Variants in SLC17A1 observed in about 807,000 individuals in gnomAD.
SLC17A1 encodes solute carrier family 17 member 1.
Under a neutral mutation model 53.5 loss-of-function variants are expected in SLC17A1, and 51 were observed. The ratio of observed to expected loss-of-function variants is 0.95; its 90% CI spans 0.76 to 1.20. The LOEUF is 1.20. SLC17A1 is among the 50% of genes most tolerant of loss of function. SLC17A1 has a pLI of 0.00. For synonymous variants in SLC17A1, 179 were observed against 198.8 expected (o/e 0.90, Z 0.84); for missense variants, 538 against 568.2 (o/e 0.95, Z 0.54).
chr6:25,726,849 G>A, the SLC17A1 span: 3 of 1,542,576 alleles, frequency 1.9e-6, no homozygotes, highest in East Asian at 2.2e-5. Flanking sequence ...GTTGAGCACT[G>A]GAAAGTGCTG....
intron 12 of SLC17A1, among the ~76,000 whole-genome samples, chr6:25,787,125 T>C (rs758339145): frequency 2.6e-4 from 39 of 152,172 alleles, no homozygotes; most frequent in Non-Finnish European, 5.1e-4. Flanking sequence ...AAATTCTTTC[T>C]TCACTGAGCA....
the SLC17A1 span, among the ~76,000 whole-genome samples, chr6:25,748,897 C>G: frequency 8.8e-3 from 1,348 of 152,354 alleles, 15 homozygotes; most frequent in African/African-American, 0.029. Context: ...GTCTCGCCTC[C>G]CGCCACGGGG....
Position 25,825,715 on chromosome 6 carries a change from A to T in SLC17A1, c.207+746T>A, listed in dbSNP as rs559688229. Among the ~76,000 whole-genome samples, 104 of 152,086 alleles carry T rather than the reference A, an allele frequency of 6.8e-4. 1 individual carries two copies. The highest frequency in any genetic ancestry group is 2.4e-3 in the African/African-American group (98 of 41,526). On this transcript the variant is annotated intron_variant, in intron 3 of 12. Coordinates refer to ENST00000244527, the MANE Select transcript of SLC17A1 (RefSeq NM_005074.5). ...TTGTCATTAATTATGGAAAGTTCTCAGCCAATTTTTGAAAAAAATATTTCT... is the reference window on the plus strand; with the variant it reads ...TTGTCATTAATTATGGAAAGTTCTCTGCCAATTTTTGAAAAAAATATTTCT...
the SLC17A1 span, among the ~76,000 whole-genome samples, chr6:25,773,985 T>C: frequency 2.6e-5 from 4 of 152,134 alleles, no homozygotes; most frequent in African/African-American, 7.2e-5. Context: ...AATTTTATAC[T>C]CAATCCCATC....
chr6:25,756,311 G>C, the SLC17A1 span, among the ~76,000 whole-genome samples: 1 of 152,246 alleles, frequency 6.6e-6, no homozygotes, highest in East Asian at 1.9e-4. Flanking sequence ...GCCTGGAATT[G>C]TTCTTGCTCA....
intron 10 of SLC17A1, among the ~76,000 whole-genome samples, chr6:25,801,184 T>C (rs1045444022): frequency 2.0e-5 from 3 of 152,082 alleles, no homozygotes; most frequent in Admixed American, 6.5e-5. Context: ...GCGTTAGCAG[T>C]AAAGAATATG....
chr6:25,728,351 C>G, the SLC17A1 span, among the ~76,000 whole-genome samples: 1 of 152,130 alleles, frequency 6.6e-6, no homozygotes, highest in African/African-American at 2.4e-5. Flanking sequence ...TGGACTCCAT[C>G]TGTAAGAGCT....
the SLC17A1 span, among the ~76,000 whole-genome samples, chr6:25,774,082 G>A: frequency 6.6e-6 from 1 of 152,040 alleles, no homozygotes; most frequent in Admixed American, 6.6e-5. Flanking sequence ...TTGTGACAGA[G>A]AAACATAAAC....
the SLC17A1 span, among the ~76,000 whole-genome samples, chr6:25,746,534 C>T: frequency 1.3e-5 from 2 of 152,014 alleles, no homozygotes; most frequent in Admixed American, 6.6e-5. Context: ...AAAGAAGGAG[C>T]AGCATCCTAA....
chr6:25,770,907 C>T, the SLC17A1 span: 2 of 1,598,394 alleles, frequency 1.3e-6, no homozygotes, highest in Non-Finnish European at 8.6e-7. Flanking sequence ...CCCAGAACAT[C>T]CTCGCCTCTT....
chr6:25,789,902 A>C (rs1000490460), intron 12 of SLC17A1, among the ~76,000 whole-genome samples: 3 of 152,170 alleles, frequency 2.0e-5, no homozygotes, highest in African/African-American at 7.2e-5. Flanking sequence ...TATCAGCATT[A>C]GTTACCTGAT....
chr6:25,762,697 G>C, the SLC17A1 span, among the ~76,000 whole-genome samples: 1 of 152,106 alleles, frequency 6.6e-6, no homozygotes, highest in Non-Finnish European at 1.5e-5. Context: ...TGTCTGTTAA[G>C]AATTATGCAT....
At chr6:25,727,434 C>G in the SLC17A1 span, 32 of 699,406 alleles carry the variant, frequency 4.6e-5, no homozygotes, top group Non-Finnish European at 6.5e-5. Context: ...CTCACTCTCC[C>G]AGGCTGGAGT....
chr6:25,799,087 C>T (rs911588200), intron 11 of SLC17A1, among the ~76,000 whole-genome samples, 168 bp from the exon 12 acceptor site: 3 of 152,010 alleles, frequency 2.0e-5, no homozygotes, highest in African/African-American at 7.2e-5. Context: ...AAAATAATCA[C>T]TTTTATCTTT....
chr6:25,737,353 T>A, the SLC17A1 span, among the ~76,000 whole-genome samples: 1 of 152,080 alleles, frequency 6.6e-6, no homozygotes, highest in African/African-American at 2.4e-5. Flanking sequence ...GGACTCAGCT[T>A]CAGGAAGGCC....
At chr6:25,726,560 C>T in the SLC17A1 span, 61 of 1,584,430 alleles carry the variant, frequency 3.8e-5, no homozygotes, top group Non-Finnish European at 4.9e-5. Flanking sequence ...ACACGAGAAC[C>T]ACATTTCTAG....
At chr6:25,778,032 C>CA (rs1554127133), downstream of SLC17A1, 1 of 1,589,246 alleles carries the variant, frequency 6.3e-7, no homozygotes, top group Non-Finnish European at 8.6e-7. Context: ...GTCAAATGTT[C>CA]TGATGAATAT....
chr6:25,737,926 C>A, the SLC17A1 span, among the ~76,000 whole-genome samples: 1 of 152,096 alleles, frequency 6.6e-6, no homozygotes, highest in Non-Finnish European at 1.5e-5. Context: ...AGATCAGGAG[C>A]AAGGCAAAAT....
intron 6 of SLC17A1, among the ~76,000 whole-genome samples, chr6:25,813,489 T>C (rs1429503523): frequency 6.6e-6 from 1 of 152,222 alleles, no homozygotes; most frequent in African/African-American, 2.4e-5. Flanking sequence ...CCTCATCTTT[T>C]CAAATTCCTC....
Sources: allele counts gnomAD v4.1 joint callset (sites outside exome capture counted in the v4.1 genomes callset), GRCh38; gene constraint gnomAD v4.1.1; transcripts MANE v1.5; gene names NCBI Gene and HGNC (gene_info 2026-07-23, HGNC 2026-07-21).